The following SCAMP1 variants were observed in gnomAD, a reference collection of about 807,000 sequenced individuals.
SCAMP1 encodes secretory carrier-associated membrane protein 1.
SCAMP1 carries 15 observed loss-of-function variants against 41.8 expected under a neutral mutation model. The ratio of observed to expected loss-of-function variants is 0.36; its 90% confidence interval spans 0.24 to 0.55. The LOEUF (loss-of-function observed/expected upper bound fraction) is 0.55, where lower values mean the gene tolerates loss of function less well. SCAMP1 is among the 20% of genes least tolerant of loss of function. The pLI is 0.86. For synonymous variants in SCAMP1, 135 were observed against 136.8 expected, an observed-to-expected ratio of 0.99 and a Z score of 0.09; for missense variants, 341 against 412.6, an observed-to-expected ratio of 0.83 and a Z score of 1.50.
intron 6 of SCAMP1, among the ~76,000 whole-genome samples, chr5:78,433,098 TA>T (rs1208731326): frequency 6.6e-6 from 1 of 152,186 alleles, no homozygotes; most frequent in African/African-American, 2.4e-5. Flanking sequence ...CTATATCTTA[TA>T]TATATGCTAA....
At chr5:78,434,733 G>A (rs1331735105) in intron 6 of SCAMP1, among the ~76,000 whole-genome samples, 1 of 152,080 alleles carries the variant, frequency 6.6e-6, no homozygotes, top group Non-Finnish European at 1.5e-5. Context: ...TTGCACTTCA[G>A]AGTAAATCAC....
intron 1 of SCAMP1, among the ~76,000 whole-genome samples, chr5:78,370,123 T>C (rs1271424587): frequency 6.6e-6 from 1 of 152,224 alleles, no homozygotes; most frequent in Non-Finnish European, 1.5e-5. Flanking sequence ...CTCCCAGCAT[T>C]TGGGGTGACC....
At chr5:78,447,012 C>T (rs568164398) in intron 6 of SCAMP1, among the ~76,000 whole-genome samples, 1 of 152,320 alleles carries the variant, frequency 6.6e-6, no homozygotes, top group Non-Finnish European at 1.5e-5. Context: ...CTGAGCTCTG[C>T]CTCCTGTCAC....
At chr5:78,374,927 A>G (rs2112056759) in intron 1 of SCAMP1, among the ~76,000 whole-genome samples, 1 of 152,214 alleles carries the variant, frequency 6.6e-6, no homozygotes, top group South Asian at 2.1e-4. Context: ...AGTTTCGCTA[A>G]ATACACTTGT....
At position 78,478,637 on chromosome 5, in the gene SCAMP1, A is replaced by G. The variant is rs1297048999; in HGVS notation, c.*2969A>G. 4 of 152,114 alleles carry G rather than the reference A, an allele frequency of 2.6e-5. No homozygotes were observed. Among genetic ancestry groups the G allele is most frequent in the Non-Finnish European group, 5.9e-5 (4 of 67,988 alleles). 9.4% of individuals were successfully genotyped at this position (152,114 alleles called of 1,614,324 possible). On this transcript the variant is annotated 3_prime_UTR_variant, in exon 9 of 9. Transcript: ENST00000621999. ...TAAAAATGGGTGTCTCTGTACTAGT[A>G]TTGTATTTATTCAATTGAACTTGTA...
rs150186481 is a variant in SCAMP1 at position 78,373,636 on chromosome 5, A to G, written c.57+12908A>G. ...TCTTGCCACTGCTCTATCTTTAGGC[A>G]TATTATCTTTTTTTGACTATAGTTC... On this transcript the variant is annotated intron_variant, in intron 1 of 8. Coordinates refer to ENST00000621999, the MANE Select transcript of SCAMP1 (RefSeq NM_004866.6). Among the ~76,000 whole-genome samples, 630 of 152,218 alleles carry G rather than the reference A, an allele frequency of 4.1e-3. 1 individual carries two copies. Among genetic ancestry groups the G allele is most frequent in the Non-Finnish European group, 6.5e-3 (440 of 67,982 alleles).
chr5:78,445,216 G>C (rs1326038445), intron 6 of SCAMP1, among the ~76,000 whole-genome samples: 1 of 152,186 alleles, frequency 6.6e-6, no homozygotes, highest in Non-Finnish European at 1.5e-5. Flanking sequence ...TCATACTTCA[G>C]GGAAGAACTT....
chr5:78,435,756 G>C (rs1752737149), intron 6 of SCAMP1, among the ~76,000 whole-genome samples: 1 of 152,164 alleles, frequency 6.6e-6, no homozygotes, highest in Admixed American at 6.5e-5. Context: ...TGGGATGGCT[G>C]GGTCAAATGG....
intron 8 of SCAMP1, among the ~76,000 whole-genome samples, chr5:78,461,212 C>G (rs1011588015): frequency 6.6e-6 from 1 of 152,084 alleles, no homozygotes; most frequent in Non-Finnish European, 1.5e-5. Context: ...TGTTTGTGTT[C>G]CATTTGCTAT....
chr5:78,449,080 G>A (rs1047007303), intron 6 of SCAMP1, among the ~76,000 whole-genome samples: 1 of 151,716 alleles, frequency 6.6e-6, no homozygotes, highest in Non-Finnish European at 1.5e-5. Context: ...AAAGTTAAAC[G>A]TATACCTATG....
chr5:78,364,264 C>T (rs752031211), intron 1 of SCAMP1, among the ~76,000 whole-genome samples: 1 of 151,998 alleles, frequency 6.6e-6, no homozygotes, highest in East Asian at 1.9e-4. Context: ...GGTTAAGTGC[C>T]GGAACAAGTG....
At chr5:78,439,565 G>A (rs1007164985) in intron 6 of SCAMP1, among the ~76,000 whole-genome samples, 1 of 152,098 alleles carries the variant, frequency 6.6e-6, no homozygotes, top group Non-Finnish European at 1.5e-5. Context: ...TGGCTTGTAG[G>A]GTTTTTGCCG....
At chr5:78,370,883 G>A (rs1750927981) in intron 1 of SCAMP1, 1 of 152,174 alleles carries the variant, frequency 6.6e-6, no homozygotes, top group South Asian at 2.1e-4. Flanking sequence ...TGGGGGTGAA[G>A]TGGTATCTTG....
chr5:78,470,958 T>C (rs1279306095), intron 8 of SCAMP1, among the ~76,000 whole-genome samples: 1 of 152,194 alleles, frequency 6.6e-6, no homozygotes, highest in Non-Finnish European at 1.5e-5. Context: ...TGCACTTATT[T>C]GGTACCTTCT....
In SCAMP1 at chr5:78,474,867, A is replaced by C. The variant is rs996718466; in HGVS notation, c.853-637A>C. ...TACTGATAGAAAATTTTTGAACCCTACTCCTGAAAATAAATTCCAAGATTT... is the reference window on the plus strand; with the variant it reads ...TACTGATAGAAAATTTTTGAACCCTCCTCCTGAAAATAAATTCCAAGATTT... On this transcript the variant is annotated intron_variant, in intron 8 of 8. Coordinates refer to ENST00000621999, the MANE Select transcript of SCAMP1 (RefSeq NM_004866.6). Among the ~76,000 whole-genome samples the C allele has an allele frequency of 8.5e-4, 129 of 152,178 alleles. 2 individuals carry two copies. The highest frequency in any genetic ancestry group is 3.0e-3 in the African/African-American group (126 of 41,448).
chr5:78,448,826 C>A (rs921867295), intron 6 of SCAMP1, among the ~76,000 whole-genome samples: 2 of 152,120 alleles, frequency 1.3e-5, no homozygotes, highest in Admixed American at 1.3e-4. Flanking sequence ...CGTGGAGAAA[C>A]CCCCTCTCTA....
chr5:78,462,560 G>A (rs1753644219), intron 8 of SCAMP1, among the ~76,000 whole-genome samples: 1 of 152,114 alleles, frequency 6.6e-6, no homozygotes, highest in Admixed American at 6.5e-5. Context: ...CTGACCTCAA[G>A]TGATCTACTT....
intron 2 of SCAMP1, among the ~76,000 whole-genome samples, chr5:78,398,836 C>T (rs984232174): frequency 3.3e-5 from 5 of 152,250 alleles, no homozygotes; most frequent in Admixed American, 6.5e-5. Context: ...TGAGCCACCG[C>T]GCATGGCCCC....
rs370109727 is a variant in SCAMP1, at chr5:78,416,526, A to G, written c.235-15A>G. On this transcript the variant is annotated splice_polypyrimidine_tract_variant and intron_variant, in intron 3 of 8. Transcript: ENST00000621999. ...CTTCTGACAGTCTATTCACATATTG[A>G]TATTTTTTATTTAGGAACATGCATT... is the stretch of plus-strand genomic sequence containing the variant. 6.4e-7 allele frequency: 1 copy of G among 1,554,954 alleles called. No individual in the cohort carries two copies. Among genetic ancestry groups the G allele is most frequent in the African/African-American group, 1.4e-5 (1 of 72,880 alleles).
Sources: gnomAD v4.1 joint callset for allele counts (sites outside exome capture counted in the v4.1 genomes callset) on GRCh38, gnomAD v4.1.1 for gene constraint, MANE v1.5 for transcripts, NCBI Gene and HGNC (gene_info 2026-07-23, HGNC 2026-07-21) for gene names.